Variants in FOXP1 observed in about 807,000 individuals in gnomAD.
FOXP1 encodes forkhead box protein P1.
A neutral mutation model predicts 98.2 loss-of-function variants in FOXP1; 15 were observed. The ratio of observed to expected loss-of-function variants is 0.15; its 90% confidence interval spans 0.10 to 0.24. The LOEUF (loss-of-function observed/expected upper bound fraction) is 0.24, where lower values mean the gene tolerates loss of function less well. Ranked by LOEUF, FOXP1 falls within the 10% of genes least tolerant of loss-of-function variation. The pLI, the probability that FOXP1 is intolerant of heterozygous loss-of-function variation, is 1.00. For synonymous variants in FOXP1, 371 were observed against 314.5 expected, an observed-to-expected ratio of 1.18 and a Z score of -1.90; for missense variants, 633 against 848.5, an observed-to-expected ratio of 0.75 and a Z score of 3.15.
At chr3:70,983,141 C>A (rs1345163130) in intron 14 of FOXP1, among the ~76,000 whole-genome samples, 1 of 151,650 alleles carries the variant, frequency 6.6e-6, no homozygotes, top group Non-Finnish European at 1.5e-5. Context: ...TTGTTACAAG[C>A]CTTTCCTTTC....
intron 4 of FOXP1, among the ~76,000 whole-genome samples, chr3:71,329,352 G>C (rs1444191067): frequency 6.6e-6 from 1 of 151,928 alleles, no homozygotes; most frequent in Non-Finnish European, 1.5e-5. Flanking sequence ...CTTCCGAGTA[G>C]CTGGGACTAC....
At chr3:71,492,824 T>C (rs1452476972) in intron 3 of FOXP1, among the ~76,000 whole-genome samples, 1 of 152,218 alleles carries the variant, frequency 6.6e-6, no homozygotes, top group East Asian at 1.9e-4. Context: ...AGGAACAGGA[T>C]GGATGGAAAA....
intron 5 of FOXP1, among the ~76,000 whole-genome samples, chr3:71,285,140 A>G (rs2071975142): frequency 6.6e-6 from 1 of 152,210 alleles, no homozygotes; most frequent in Non-Finnish European, 1.5e-5. Flanking sequence ...CTCCAAAGCC[A>G]GGTAGAACAA....
chr3:71,389,688 T>C (rs56091574), intron 3 of FOXP1, among the ~76,000 whole-genome samples: 30,670 of 152,080 alleles, frequency 0.2, 4,811 homozygotes, highest in East Asian at 0.8. Flanking sequence ...TAGGTAACAA[T>C]GACTTTCTTG....
At chr3:71,005,880 C>G (rs192796544) in intron 12 of FOXP1, among the ~76,000 whole-genome samples, 1 of 152,158 alleles carries the variant, frequency 6.6e-6, no homozygotes, top group African/African-American at 2.4e-5. Flanking sequence ...CAAAAATTAA[C>G]AAATCATCAT....
At chr3:71,449,245 T>G (rs2086718684) in intron 3 of FOXP1, among the ~76,000 whole-genome samples, 1 of 152,072 alleles carries the variant, frequency 6.6e-6, no homozygotes, top group African/African-American at 2.4e-5. Flanking sequence ...GCAAGCAAGG[T>G]GCCTAGGGTG....
At chr3:71,282,500 A>T (rs752695361) in intron 5 of FOXP1, among the ~76,000 whole-genome samples, 102 of 152,304 alleles carry the variant, frequency 6.7e-4, no homozygotes, top group Non-Finnish European at 1.1e-3. Flanking sequence ...GCCGACATTT[A>T]CTGAGCATTT....
At chr3:71,123,238 C>A (rs1334819094) in intron 6 of FOXP1, among the ~76,000 whole-genome samples, 1 of 152,196 alleles carries the variant, frequency 6.6e-6, no homozygotes, top group African/African-American at 2.4e-5. Context: ...AAGGGACCAG[C>A]CCTGCATCTG....
intron 2 of FOXP1, chr3:71,570,422 T>C (rs1485655056): frequency 6.6e-6 from 1 of 152,166 alleles, no homozygotes; most frequent in African/African-American, 2.4e-5. Context: ...ACAATGCCAG[T>C]TCAAGTTCAA....
At position 71,020,663 on chromosome 3, in the gene FOXP1, C is replaced by G. The variant is rs137942058; in HGVS notation, c.870-5010G>C. On this transcript the variant is annotated intron_variant, in intron 11 of 20. Coordinates refer to ENST00000649528, the MANE Select transcript of FOXP1 (RefSeq NM_001349338.3). ...AAGCAAAGAGTGACCTTGCTATCTG[C>G]CAAGCCATTTCCTGCCAACTGAAAT... 9.1e-4 allele frequency among the ~76,000 whole-genome samples: 138 copies of G among 152,312 alleles called. 1 individual carries two copies. The highest frequency in any genetic ancestry group is 3.2e-3 in the African/African-American group (132 of 41,576).
intron 4 of FOXP1, among the ~76,000 whole-genome samples, chr3:71,335,960 A>AGATC (rs1470237934): frequency 6.9e-6 from 1 of 145,250 alleles, no homozygotes; most frequent in Non-Finnish European, 1.5e-5. Flanking sequence ...CAGTGGACCA[A>AGATC]GATCGTGCCA....
chr3:71,221,793 C>G (rs1371070510), intron 5 of FOXP1, among the ~76,000 whole-genome samples: 1 of 152,236 alleles, frequency 6.6e-6, no homozygotes, highest in Non-Finnish European at 1.5e-5. Flanking sequence ...CTCTTACTTA[C>G]AACTCTGCGT....
intron 5 of FOXP1, among the ~76,000 whole-genome samples, chr3:71,232,796 G>A (rs2066402625): frequency 7.1e-6 from 1 of 141,612 alleles, no homozygotes; most frequent in Non-Finnish European, 1.5e-5. Context: ...AGCTACTTGG[G>A]ATGAAGAGGG....
rs752137222 is a variant in FOXP1 at position 71,518,474 on chromosome 3, A to G, written c.-297-24919T>C. Among the ~76,000 whole-genome samples, 40 of 152,212 alleles carry G rather than the reference A, an allele frequency of 2.6e-4. 1 individual carries two copies. The highest frequency in any genetic ancestry group is 4.4e-5 in the Non-Finnish European group (3 of 68,042). ...TCCAAAAGACAGCATAAATTCATAA[A>G]TAACTTTTGGGCCCTTTTCTCCCTC... is the stretch of plus-strand genomic sequence containing the variant. On this transcript the variant is annotated intron_variant, in intron 2 of 20. Coordinates refer to ENST00000649528, the MANE Select transcript of FOXP1 (RefSeq NM_001349338.3).
chr3:71,237,499 T>A (rs4050), intron 5 of FOXP1, among the ~76,000 whole-genome samples: 1 of 152,114 alleles, frequency 6.6e-6, no homozygotes, highest in Non-Finnish European at 1.5e-5. Flanking sequence ...ACTAGAAGCA[T>A]TTCAAGATCC....
In FOXP1 at chr3:70,977,936, G is replaced by A. The variant is rs534691598; in HGVS notation, c.1240C>T (p.Leu414=). 2 of 1,613,946 alleles carry A rather than the reference G, an allele frequency of 1.2e-6. No homozygotes were observed. The highest frequency in any genetic ancestry group is 1.3e-5 in the African/African-American group (1 of 74,922). The change falls in exon 15 of 21, where the codon CTG becomes TTG. Residue 414 remains leucine, a synonymous_variant. Transcript: ENST00000649528. ...PHTPTTPTAP[L]TPVTQGPSVI... The stretch of plus-strand genomic sequence containing the variant: ...GAGGGGCCTTGGGTGACGGGAGTCA[G>A]GGGGGCGGTTGGGGTCGTTGGAGTA...
chr3:71,568,838 G>C (rs561719994), intron 2 of FOXP1, among the ~76,000 whole-genome samples: 23 of 152,178 alleles, frequency 1.5e-4, no homozygotes, highest in Admixed American at 1.3e-3. Flanking sequence ...GTAGAGACGA[G>C]TTTTCACCAT....
intron 6 of FOXP1, among the ~76,000 whole-genome samples, chr3:71,124,046 G>A (rs2593851): frequency 0.31 from 46,653 of 151,578 alleles, 7,739 homozygotes; most frequent in East Asian, 0.61. Flanking sequence ...CCTGGGTGTC[G>A]GGATATCCCC....
At chr3:71,478,683 T>A (rs755690091) in intron 3 of FOXP1, among the ~76,000 whole-genome samples, 1 of 152,204 alleles carries the variant, frequency 6.6e-6, no homozygotes, top group Non-Finnish European at 1.5e-5. Flanking sequence ...ACCTTCCAAC[T>A]GCAAGTTACA....
Sources: allele counts gnomAD v4.1 joint callset (sites outside exome capture counted in the v4.1 genomes callset), GRCh38; gene constraint gnomAD v4.1.1; transcripts MANE v1.5; gene names NCBI Gene and HGNC (gene_info 2026-07-23, HGNC 2026-07-21).